CDH10: variants seen among roughly 807,000 people sequenced by gnomAD.
CDH10 encodes cadherin-10.
In CDH10, 30 loss-of-function variants were observed where a neutral mutation model predicts 73.1. That is an observed-to-expected ratio of 0.41 (90% confidence interval 0.31 to 0.56). CDH10 has a LOEUF of 0.56. Ranked by LOEUF, CDH10 falls within the 20% of genes least tolerant of loss-of-function variation. CDH10 has a pLI of 0.27. For missense variants in CDH10, 815 were observed against 973.7 expected (o/e 0.84, Z 2.17); for synonymous variants, 345 against 348.2 (o/e 0.99, Z 0.10).
Position 24,487,606 on chromosome 5 carries a change from T to C in CDH10, c.*57A>G. ...CTCCTGAATATCAAATATTGTGAAG[T>C]GGAGACAGCATGGGTAGAGTTACTT... On this transcript the variant is annotated 3_prime_UTR_variant, in exon 12 of 12. Transcript: ENST00000264463. The C allele has an allele frequency of 6.6e-7, 1 of 1,508,968 alleles. No homozygotes were observed. 93.5% of individuals were successfully genotyped at this position (1,508,968 alleles called of 1,614,324 possible). A position where few individuals can be genotyped will look rare whatever the true frequency, so the allele number is the denominator to read the frequency against.
intron 2 of CDH10, among the ~76,000 whole-genome samples, chr5:24,576,014 A>T (rs1745587614): frequency 6.6e-6 from 1 of 152,156 alleles, no homozygotes; most frequent in Non-Finnish European, 1.5e-5. Flanking sequence ...GCTGATTTGA[A>T]TTAACCCAAA....
At chr5:24,546,280 T>G (rs1579788545) in intron 2 of CDH10, among the ~76,000 whole-genome samples, 1 of 151,914 alleles carries the variant, frequency 6.6e-6, no homozygotes, top group East Asian at 1.9e-4. Flanking sequence ...AACCCTAAAT[T>G]AAAATAAAAA....
chr5:24,503,407 G>T (rs557955349), intron 8 of CDH10, among the ~76,000 whole-genome samples: 1 of 152,292 alleles, frequency 6.6e-6, no homozygotes, highest in African/African-American at 2.4e-5. Context: ...GTGCTGGCAG[G>T]GCTGGCTTCA....
chr5:24,623,416 T>A (rs767042928), intron 1 of CDH10, among the ~76,000 whole-genome samples: 4 of 152,182 alleles, frequency 2.6e-5, no homozygotes, highest in Non-Finnish European at 4.4e-5. Flanking sequence ...GTAAACCGCA[T>A]AACAAATTTT....
intron 9 of CDH10, among the ~76,000 whole-genome samples, chr5:24,493,233 A>G (rs1371515742): frequency 6.6e-6 from 1 of 151,994 alleles, no homozygotes; most frequent in East Asian, 1.9e-4. Context: ...TTACACATTG[A>G]TCTGGAAGAG....
intron 2 of CDH10, among the ~76,000 whole-genome samples, chr5:24,549,697 G>A (rs201081813): frequency 2.0e-4 from 30 of 151,820 alleles, no homozygotes; most frequent in Admixed American, 3.9e-4. Flanking sequence ...GATTATAGGC[G>A]CCTGCCACAA....
chr5:24,540,681 G>T (rs1420101931), intron 2 of CDH10, among the ~76,000 whole-genome samples: 1 of 151,878 alleles, frequency 6.6e-6, no homozygotes, highest in Non-Finnish European at 1.5e-5. Flanking sequence ...TTGATCCTAA[G>T]ACGACAGAAT....
At chr5:24,507,743 T>G (rs58999811) in intron 7 of CDH10, among the ~76,000 whole-genome samples, 1 of 151,952 alleles carries the variant, frequency 6.6e-6, no homozygotes, top group African/African-American at 2.4e-5. Flanking sequence ...TGTGTATTGG[T>G]TATATAAAAC....
chr5:24,641,038 A>G (rs1407047319), intron 1 of CDH10, among the ~76,000 whole-genome samples: 1 of 152,018 alleles, frequency 6.6e-6, no homozygotes, highest in Non-Finnish European at 1.5e-5. Context: ...CCAGAAATCT[A>G]CAAATTTAAT....
chr5:24,587,967 C>T (rs1037498761), intron 2 of CDH10, among the ~76,000 whole-genome samples: 17 of 152,154 alleles, frequency 1.1e-4, no homozygotes, highest in African/African-American at 4.1e-4. Flanking sequence ...AGGTGGTCTG[C>T]TCTGAAGATA....
At chr5:24,625,033 A>G (rs191516140) in intron 1 of CDH10, among the ~76,000 whole-genome samples, 1 of 152,260 alleles carries the variant, frequency 6.6e-6, no homozygotes, top group East Asian at 1.9e-4. Flanking sequence ...CTTCAATTAT[A>G]CTAGGTCTTA....
Position 24,505,197 on chromosome 5 carries a change from T to C in CDH10, c.1308A>G (p.Ser436=), listed in dbSNP as rs1742660136. ...TTGATGTATAAAGAGATCCATTTCC[T>C]GAATGAATGTTAAAGATTCTGTCAA... The part of the protein sequence containing the change: ...TDLDRIFNIH[S]GNGSLYTSKP... Residue 436 remains serine, a synonymous_variant, in exon 8 of 12, where the codon TCA becomes TCG. Transcript: ENST00000264463. 2 of 1,612,110 alleles carry C rather than the reference T, an allele frequency of 1.2e-6. No individual in the cohort carries two copies. Among genetic ancestry groups the C allele is most frequent in the Non-Finnish European group, 1.7e-6 (2 of 1,178,298 alleles).
intron 1 of CDH10, among the ~76,000 whole-genome samples, chr5:24,639,389 C>T (rs1354496805): frequency 1.3e-5 from 2 of 151,612 alleles, no homozygotes; most frequent in East Asian, 1.9e-4. Context: ...TTTCCAATTA[C>T]TAGGGCAAAT....
chr5:24,523,774 G>A (rs1016471101), intron 5 of CDH10, among the ~76,000 whole-genome samples: 4 of 152,084 alleles, frequency 2.6e-5, no homozygotes, highest in African/African-American at 9.7e-5. Flanking sequence ...TGTATTTCAT[G>A]TTTATGAGAG....
chr5:24,577,491 G>T (rs1234350412), intron 2 of CDH10, among the ~76,000 whole-genome samples: 1 of 151,710 alleles, frequency 6.6e-6, no homozygotes, highest in Non-Finnish European at 1.5e-5. Flanking sequence ...CATGCAAGAA[G>T]ATATGACAAT....
At chr5:24,626,007 A>G (rs1243552911) in intron 1 of CDH10, among the ~76,000 whole-genome samples, 2 of 152,124 alleles carry the variant, frequency 1.3e-5, no homozygotes, top group Non-Finnish European at 2.9e-5. Flanking sequence ...TTGTAGAATA[A>G]TGTTGCTGGA....
intron 1 of CDH10, among the ~76,000 whole-genome samples, chr5:24,635,080 T>C (rs946274841): frequency 4.0e-5 from 6 of 151,708 alleles, no homozygotes; most frequent in Admixed American, 1.3e-4. Flanking sequence ...AAAAGAATGA[T>C]CTAAATAAAA....
intron 5 of CDH10, among the ~76,000 whole-genome samples, chr5:24,534,112 A>G (rs1358841191): frequency 6.6e-6 from 1 of 152,124 alleles, no homozygotes; most frequent in East Asian, 1.9e-4. Flanking sequence ...TAATTCTTAG[A>G]CAGTAATTCC....
At chr5:24,503,567 G>A (rs1226449028) in intron 8 of CDH10, among the ~76,000 whole-genome samples, 2 of 152,140 alleles carry the variant, frequency 1.3e-5, no homozygotes, top group African/African-American at 2.4e-5. Flanking sequence ...GTCCTAGTAT[G>A]GGCAAGAACT....
Sources: gnomAD v4.1 joint callset for allele counts (sites outside exome capture counted in the v4.1 genomes callset) on GRCh38, gnomAD v4.1.1 for gene constraint, MANE v1.5 for transcripts, NCBI Gene and HGNC (gene_info 2026-07-23, HGNC 2026-07-21) for gene names.